The following PANX1 variants were observed in gnomAD, a reference collection of about 807,000 sequenced individuals.
PANX1 encodes the protein pannexin 1, also known as pannexin-1.
In PANX1, 30 loss-of-function variants were observed where a neutral mutation model predicts 38.7. The ratio of observed to expected loss-of-function variants is 0.78; its 90% confidence interval spans 0.58 to 1.05. PANX1 has a LOEUF of 1.05. PANX1 is among the 50% of genes least tolerant of loss of function. The pLI is 0.00. For synonymous variants in PANX1, 230 were observed against 212.2 expected, an observed-to-expected ratio of 1.08 and a Z score of -0.73; for missense variants, 551 against 517.2, an observed-to-expected ratio of 1.07 and a Z score of -0.63.
At chr11:94,134,639 C>T (rs771018947) in intron 1 of PANX1, among the ~76,000 whole-genome samples, 1 of 138,410 alleles carries the variant, frequency 7.2e-6, no homozygotes, top group Non-Finnish European at 1.6e-5. Context: ...TTTCTCTCCC[C>T]CCTCCCTCTT....
At chr11:94,132,684 A>G (rs1161443544) in intron 1 of PANX1, among the ~76,000 whole-genome samples, 1 of 152,186 alleles carries the variant, frequency 6.6e-6, no homozygotes, top group Admixed American at 6.5e-5. Context: ...ATGATAAACT[A>G]GTATATATAA....
intron 1 of PANX1, among the ~76,000 whole-genome samples, chr11:94,133,225 A>G (rs2134471767): frequency 6.6e-6 from 1 of 152,294 alleles, no homozygotes; most frequent in Non-Finnish European, 1.5e-5. Context: ...CCTGCATGGT[A>G]GGCACTGGTG....
At chr11:94,174,165 T>C (rs1947202326) in intron 2 of PANX1, among the ~76,000 whole-genome samples, 1 of 151,578 alleles carries the variant, frequency 6.6e-6, no homozygotes. Flanking sequence ...CATGACCTTA[T>C]CTTAATTTAA....
chr11:94,174,964 G>A (rs1947215494), intron 2 of PANX1, among the ~76,000 whole-genome samples: 1 of 151,596 alleles, frequency 6.6e-6, no homozygotes. Context: ...CAGCTGCTTG[G>A]TCCCACAATG....
chr11:94,132,961 T>A (rs1416770469), intron 1 of PANX1, among the ~76,000 whole-genome samples: 1 of 152,212 alleles, frequency 6.6e-6, no homozygotes, highest in Admixed American at 6.5e-5. Context: ...AGAGGGAATG[T>A]CCTCATATGA....
At chr11:94,150,078 G>C (rs1422456997) in intron 1 of PANX1, among the ~76,000 whole-genome samples, 1 of 152,170 alleles carries the variant, frequency 6.6e-6, no homozygotes, top group Non-Finnish European at 1.5e-5. Flanking sequence ...TTGTGAAGAG[G>C]GTGATGCCTA....
At chr11:94,175,670 C>G in intron 2 of PANX1, 2 of 824,014 alleles carry the variant, frequency 2.4e-6, no homozygotes, top group Non-Finnish European at 2.9e-6. Flanking sequence ...AACTCTGTGT[C>G]ATGCACTTAT....
chr11:94,165,464 A>G (rs1947092281), intron 2 of PANX1, among the ~76,000 whole-genome samples: 1 of 152,318 alleles, frequency 6.6e-6, no homozygotes, highest in South Asian at 2.1e-4. Context: ...TTCACACATA[A>G]CAATATTAAC....
chr11:94,141,183 A>G (rs1946757985), intron 1 of PANX1, among the ~76,000 whole-genome samples: 1 of 152,208 alleles, frequency 6.6e-6, no homozygotes, highest in Non-Finnish European at 1.5e-5. Context: ...AATCAGAGGG[A>G]CAAAAGTTGT....
intron 2 of PANX1, among the ~76,000 whole-genome samples, chr11:94,159,215 T>TG (rs201113580): frequency 0.11 from 16,956 of 152,080 alleles, 978 homozygotes; most frequent in Admixed American, 0.14. Context: ...GTTCTTTTTT[T>TG]TTGTTGTTGT....
intron 1 of PANX1, among the ~76,000 whole-genome samples, chr11:94,152,884 G>T (rs1370831072): frequency 6.6e-6 from 1 of 152,204 alleles, no homozygotes; most frequent in African/African-American, 2.4e-5. Flanking sequence ...CCCATCTGCT[G>T]TTGGGAGGTT....
At chr11:94,149,449 A>C (rs185668816) in intron 1 of PANX1, among the ~76,000 whole-genome samples, 1 of 152,158 alleles carries the variant, frequency 6.6e-6, no homozygotes, top group Admixed American at 6.5e-5. Context: ...ATGGATTGCC[A>C]CAGACATTAT....
chr11:94,154,570 C>A (rs562613174), intron 2 of PANX1, among the ~76,000 whole-genome samples: 1 of 152,212 alleles, frequency 6.6e-6, no homozygotes, highest in Non-Finnish European at 1.5e-5. Flanking sequence ...TGACTCTCTT[C>A]TGCTTTGACC....
At chr11:94,163,457 C>CT (rs918741143) in intron 2 of PANX1, among the ~76,000 whole-genome samples, 1 of 152,064 alleles carries the variant, frequency 6.6e-6, no homozygotes, top group African/African-American at 2.4e-5. Flanking sequence ...TTACTGAATG[C>CT]TTTTTTGGCA....
chr11:94,131,134 C>T (rs1039899186), intron 1 of PANX1, among the ~76,000 whole-genome samples: 14 of 151,780 alleles, frequency 9.2e-5, no homozygotes, highest in African/African-American at 3.2e-4. Flanking sequence ...TCCAAGGACC[C>T]GGGAGTAAAA....
chr11:94,134,761 G>A (rs1048191765), intron 1 of PANX1, among the ~76,000 whole-genome samples: 4 of 151,540 alleles, frequency 2.6e-5, no homozygotes, highest in African/African-American at 9.7e-5. Context: ...CACAAGGAAA[G>A]GTGTGTGAGC....
At chr11:94,148,129 TG>T (rs1946848288) in intron 1 of PANX1, among the ~76,000 whole-genome samples, 1 of 152,174 alleles carries the variant, frequency 6.6e-6, no homozygotes, top group African/African-American at 2.4e-5. Context: ...ATTTTCTCAC[TG>T]GTTTAAAACA....
intron 2 of PANX1, among the ~76,000 whole-genome samples, chr11:94,162,132 G>T (rs6483298): frequency 0.15 from 22,602 of 152,126 alleles, 1,709 homozygotes; most frequent in African/African-American, 0.2. Context: ...TGCCCCTACT[G>T]GGGGGTGCCT....
At chr11:94,134,884 T>A (rs1338844504) in intron 1 of PANX1, among the ~76,000 whole-genome samples, 3 of 152,148 alleles carry the variant, frequency 2.0e-5, no homozygotes, top group Non-Finnish European at 4.4e-5. Context: ...AACTGTTGTT[T>A]AAGCCACCCA....
Sources: gnomAD v4.1 joint callset for allele counts (sites outside exome capture counted in the v4.1 genomes callset) on GRCh38, gnomAD v4.1.1 for gene constraint, MANE v1.5 for transcripts, NCBI Gene and HGNC (gene_info 2026-07-23, HGNC 2026-07-21) for gene names.